The following CFAP97 variants were observed in gnomAD, a reference collection of about 807,000 sequenced individuals.
CFAP97 encodes cilia and flagella associated protein 97, also known as cilia- and flagella-associated protein 97.
In CFAP97, 36 loss-of-function variants were observed where a neutral mutation model predicts 43.1. That is an observed-to-expected ratio of 0.84 (90% CI 0.64 to 1.10). The LOEUF is 1.10. Ranked by LOEUF, CFAP97 falls within the 50% of genes least tolerant of loss-of-function variation. The probability of loss-of-function intolerance (pLI) is 0.00; values close to 1 mark genes in which losing one functional copy is unlikely to be tolerated. For synonymous variants in CFAP97, 228 were observed against 225.7 expected (o/e 1.01, Z -0.09); for missense variants, 657 against 620.3 (o/e 1.06, Z -0.63).
chr4:185,208,177 C>T (rs1022736755), upstream of CFAP97, among the ~76,000 whole-genome samples: 2 of 152,008 alleles, frequency 1.3e-5, no homozygotes, highest in African/African-American at 4.8e-5. Flanking sequence ...GGCGCGATGT[C>T]GGCTCACTGC....
At chr4:185,195,979 T>C (rs1481508382) in intron 1 of CFAP97, among the ~76,000 whole-genome samples, 1 of 152,238 alleles carries the variant, frequency 6.6e-6, no homozygotes, top group African/African-American at 2.4e-5. Context: ...TGTTTTTTCC[T>C]TTCTTACTTT....
chr4:185,197,013 T>C (rs3108249), intron 1 of CFAP97, among the ~76,000 whole-genome samples: 76,176 of 150,642 alleles, frequency 0.51, 19,453 homozygotes, highest in East Asian at 0.6. Context: ...GCAGGAGAAT[T>C]GCTTGAATCC....
upstream of CFAP97, among the ~76,000 whole-genome samples, chr4:185,205,904 A>G (rs1560882241): frequency 1.3e-5 from 2 of 152,360 alleles, no homozygotes; most frequent in South Asian, 2.1e-4. Flanking sequence ...AAGAAAATAT[A>G]CCAATGGCCA....
Position 185,175,864 on chromosome 4 carries a change from C to T in CFAP97, c.1242G>A (p.Ser414=), listed in dbSNP as rs374033374. 11 of 1,613,716 alleles carry T rather than the reference C, an allele frequency of 6.8e-6. No individual in the cohort carries two copies. The highest frequency in any genetic ancestry group is 1.1e-5 in the South Asian group (1 of 91,084). ...KPGSKSTIPR[S]ADHPPKLYHS... is the part of the protein sequence containing the mutation. ...GATATAACTTTGGGGGATGATCAGCCGATCTAGGAATTGTACTTTTGCTTC... is the reference window on the plus strand; with the variant it reads ...GATATAACTTTGGGGGATGATCAGCTGATCTAGGAATTGTACTTTTGCTTC... The change falls in exon 3 of 5, where the codon TCG becomes TCA. Residue 414 remains serine (S), a synonymous_variant. Coordinates refer to ENST00000458385, the MANE Select transcript of CFAP97 (RefSeq NM_020827.3).
intron 1 of CFAP97, among the ~76,000 whole-genome samples, chr4:185,195,974 T>C (rs1736519892): frequency 6.6e-6 from 1 of 152,238 alleles, no homozygotes; most frequent in Admixed American, 6.5e-5. Flanking sequence ...GTTGTTGTTT[T>C]TTCCTTTCTT....
upstream of CFAP97, among the ~76,000 whole-genome samples, chr4:185,205,226 C>T (rs750607733): frequency 3.9e-5 from 6 of 152,154 alleles, no homozygotes; most frequent in African/African-American, 7.2e-5. Context: ...GAGGCCGAGG[C>T]GGGTGGGGCC....
chr4:185,203,744 G>A (rs1404255052), intron 1 of CFAP97, 154 bp downstream of exon 1: 1 of 152,130 alleles, frequency 6.6e-6, no homozygotes, highest in East Asian at 1.9e-4. Context: ...TGTCGTGGGG[G>A]CGCGGTCTCC....
At chr4:185,207,865 T>C (rs1737256411), upstream of CFAP97, 1 of 152,330 alleles carries the variant, frequency 6.6e-6, no homozygotes, top group Non-Finnish European at 1.5e-5. Flanking sequence ...TTAGTTACTA[T>C]TATGGTGAGC....
chr4:185,179,504 G>C (rs1335821318), intron 2 of CFAP97, among the ~76,000 whole-genome samples: 1 of 152,008 alleles, frequency 6.6e-6, no homozygotes, highest in Non-Finnish European at 1.5e-5. Flanking sequence ...CTTGTTTCCT[G>C]GAACACACGT....
intron 2 of CFAP97, among the ~76,000 whole-genome samples, chr4:185,177,369 C>T (rs536198284): frequency 6.7e-5 from 10 of 148,648 alleles, no homozygotes; most frequent in Non-Finnish European, 1.3e-4. Flanking sequence ...GCCGAGATTG[C>T]GCCATTGCAC....
intron 2 of CFAP97, among the ~76,000 whole-genome samples, chr4:185,177,299 G>C (rs1170305337): frequency 6.6e-6 from 1 of 151,824 alleles, no homozygotes; most frequent in Non-Finnish European, 1.5e-5. Context: ...TGTAATCTCG[G>C]CTACTCAGCA....
rs541734470 is a variant in CFAP97 at position 185,181,486 on chromosome 4, C to T, written c.1055-5435G>A. ...GATTACAGGCATGTGCCACCACGCACGGCTAATTTTGTATTTTTAGTAGAG... is the reference window on the plus strand; with the variant it reads ...GATTACAGGCATGTGCCACCACGCATGGCTAATTTTGTATTTTTAGTAGAG... On this transcript the variant is annotated intron_variant, in intron 2 of 4. Transcript: ENST00000458385. Among the ~76,000 whole-genome samples the T allele has an allele frequency of 1.2e-3, 181 of 151,814 alleles. 5 individuals are homozygous for T. The South Asian group carries it at 0.037, about 31-fold the overall frequency.
upstream of CFAP97, chr4:185,204,001 A>C (rs1245857992): frequency 6.6e-6 from 1 of 150,716 alleles, no homozygotes; most frequent in Non-Finnish European, 1.5e-5. Context: ...AGGCGGAGAG[A>C]GCGGAAAGGG....
intron 3 of CFAP97, among the ~76,000 whole-genome samples, chr4:185,170,608 T>C (rs930961052): frequency 2.2e-4 from 33 of 151,022 alleles, no homozygotes; most frequent in Admixed American, 1.6e-3. Context: ...AGAGATGGGT[T>C]TCGCCATGTT....
intron 2 of CFAP97, among the ~76,000 whole-genome samples, chr4:185,180,556 G>A (rs1369979416): frequency 1.3e-5 from 2 of 151,798 alleles, no homozygotes; most frequent in Non-Finnish European, 2.9e-5. Context: ...ATGTCCTCAC[G>A]GTTCACCCAT....
chr4:185,195,802 G>A (rs760893601), intron 1 of CFAP97, among the ~76,000 whole-genome samples: 1 of 152,094 alleles, frequency 6.6e-6, no homozygotes, highest in Non-Finnish European at 1.5e-5. Flanking sequence ...GCCACTGAAT[G>A]GTGAATAGGT....
upstream of CFAP97, chr4:185,209,767 G>T: frequency 4.1e-6 from 4 of 984,104 alleles, no homozygotes; most frequent in Non-Finnish European, 4.8e-6. This position sits in a 1 kb window ranked among gnomAD's most constrained non-coding sequence, Gnocchi z 5.2. Flanking sequence ...TGCCTCCGGA[G>T]CGCCGGCGGG....
chr4:185,165,996 A>G (rs910100000), intron 3 of CFAP97, among the ~76,000 whole-genome samples: 1 of 152,182 alleles, frequency 6.6e-6, no homozygotes, highest in Non-Finnish European at 1.5e-5. Flanking sequence ...CAGAGGTGCA[A>G]AACACATGAA....
At chr4:185,186,446 A>G (rs946335951) in intron 2 of CFAP97, among the ~76,000 whole-genome samples, 1 of 152,114 alleles carries the variant, frequency 6.6e-6, no homozygotes, top group African/African-American at 2.4e-5. Flanking sequence ...AAACAACAAC[A>G]ACAGAAAAGA....
Sources: allele counts gnomAD v4.1 joint callset (sites outside exome capture counted in the v4.1 genomes callset), GRCh38; gene constraint gnomAD v4.1.1; non-coding constraint Gnocchi (gnomAD v3.1); transcripts MANE v1.5; gene names NCBI Gene and HGNC (gene_info 2026-07-23, HGNC 2026-07-21).